Variants in FNBP4 observed in about 807,000 individuals in gnomAD.
The protein encoded by FNBP4 is formin binding protein 4.
Under a neutral mutation model 119.3 loss-of-function variants are expected in FNBP4, and 34 were observed. The ratio of observed to expected loss-of-function variants is 0.28; its 90% CI spans 0.22 to 0.38. The LOEUF (loss-of-function observed/expected upper bound fraction) is 0.38, where lower values mean the gene tolerates loss of function less well. Ranked by LOEUF, FNBP4 falls within the 10% of genes least tolerant of loss-of-function variation. The pLI is 1.00. For missense variants in FNBP4, 1,112 were observed against 1,228.9 expected (o/e 0.90, Z 1.42); for synonymous variants, 462 against 430.6 (o/e 1.07, Z -0.90).
chr11:47,729,103 C>T, intron 12 of FNBP4: 3 of 937,802 alleles, frequency 3.2e-6, no homozygotes, highest in Non-Finnish European at 3.8e-6. Flanking sequence ...CCACCCGCCT[C>T]AGCCCCCCAA....
At chr11:47,736,331 G>A (rs1178262313) in intron 9 of FNBP4, among the ~76,000 whole-genome samples, 1 of 152,052 alleles carries the variant, frequency 6.6e-6, no homozygotes, top group African/African-American at 2.4e-5. Flanking sequence ...CCAAGGTGGG[G>A]GAATCATGAA....
In FNBP4 at chr11:47,724,509, G is replaced by C. The variant is rs762273164; in HGVS notation, c.2278C>G (p.Pro760Ala). ...GTGGTTTGTGCTGAAGGTTTCAAAG[G>C]GGTATCTTCCTCTGTTCCTGGGGCA... ...PPAPGTEEDT[P>A]LKPSAQTTVV... The change falls in exon 13 of 17, where the codon CCT (proline) becomes GCT (alanine). Residue 760 changes from proline (P) to alanine (A), a missense_variant. Physicochemically the swap from Pro to Ala is conservative, Grantham distance 27 (BLOSUM62 -1). Around this residue, in one of 2 missense-constraint regions of FNBP4, gnomAD observed 826 missense variants for 988.8 expected, o/e 0.84. Coordinates refer to ENST00000263773, the MANE Select transcript of FNBP4 (RefSeq NM_015308.5). 6.2e-6 allele frequency: 10 copies of C among 1,614,084 alleles called. No homozygotes were observed. The highest frequency in any genetic ancestry group is 8.5e-6 in the Non-Finnish European group (10 of 1,180,040).
chr11:47,747,637 A>G (rs2097593217), intron 6 of FNBP4, among the ~76,000 whole-genome samples: 2 of 152,084 alleles, frequency 1.3e-5, no homozygotes, highest in South Asian at 4.1e-4. Flanking sequence ...TATGCCATGA[A>G]GGTGATTTAG....
chr11:47,749,051 A>G (rs1437825894), intron 6 of FNBP4, among the ~76,000 whole-genome samples: 1 of 152,020 alleles, frequency 6.6e-6, no homozygotes, highest in East Asian at 1.9e-4. Context: ...TTGAGCTCAG[A>G]GTTTGAGACC....
rs373960610 is a variant in FNBP4 at position 47,754,657 on chromosome 11, T to A, written c.321A>T (p.Leu107=). ...RPTAVKATGG[L]CLLGAYADSD... is the part of the protein sequence containing the mutation. ...TGTCAGCATAAGCACCAAGCAAGCATAGACCGCCTAGAAACAAAAAGGTAA... is the reference window on the plus strand; with the variant it reads ...TGTCAGCATAAGCACCAAGCAAGCAAAGACCGCCTAGAAACAAAAAGGTAA... The change falls in exon 3 of 17, where the codon CTA becomes CTT. Residue 107 remains leucine (L), a synonymous_variant. Coordinates refer to ENST00000263773, the MANE Select transcript of FNBP4 (RefSeq NM_015308.5). 6.2e-7 allele frequency: 1 copy of A among 1,613,518 alleles called. No homozygotes were observed. Among genetic ancestry groups the A allele is most frequent in the Admixed American group, 1.7e-5 (1 of 59,768 alleles).
chr11:47,753,056 G>A lies in FNBP4; in HGVS notation c.497C>T (p.Ala166Val). ...TAPQPAAPVG[A>V]SAPPPTPPRP... ...AGGTGGAGTTGGAGGTGGAGCAGAA[G>A]CTCCTACAGGAGCTGCAGGCTGAGG... Residue 166 changes from alanine to valine, a missense_variant, in exon 4 of 17, where the codon GCT becomes GTT. By Grantham distance (64) the Ala-to-Val change is moderately conservative. Around this residue, in one of 2 missense-constraint regions of FNBP4, gnomAD observed 286 missense variants for 240.1 expected, o/e 1.19. Coordinates refer to ENST00000263773, the MANE Select transcript of FNBP4 (RefSeq NM_015308.5). The A allele has an allele frequency of 6.2e-7, 1 of 1,614,108 alleles. No homozygotes were observed.
chr11:47,751,912 C>T (rs980562539), intron 4 of FNBP4, among the ~76,000 whole-genome samples: 1 of 152,022 alleles, frequency 6.6e-6, no homozygotes, highest in African/African-American at 2.4e-5. Flanking sequence ...TGCACCATTG[C>T]ACTCCAGCCT....
At chr11:47,764,283 TGTTGGC>T in intron 2 of FNBP4, among the ~76,000 whole-genome samples, 1 of 152,228 alleles carries the variant, frequency 6.6e-6, no homozygotes, top group East Asian at 1.9e-4. Flanking sequence ...GGTTTCACCA[TGTTGGC>T]CAGGCTGGTC....
intron 16 of FNBP4, among the ~76,000 whole-genome samples, chr11:47,718,056 T>C (rs1445934467): frequency 6.6e-6 from 1 of 151,034 alleles, no homozygotes; most frequent in Admixed American, 6.6e-5. Context: ...TGCCCGGCCT[T>C]ATTTATTTTA....
chr11:47,754,552 A>G lies in FNBP4; in HGVS notation c.426T>C (p.Asp142=). 6.2e-7 allele frequency: 1 copy of G among 1,614,120 alleles called. No homozygotes were observed. Among genetic ancestry groups the G allele is most frequent in the Non-Finnish European group, 8.5e-7 (1 of 1,180,024 alleles). ...CCGCTAGGAAGTTGGCCAATGTACT[A>G]TCAATATCAGTTGACTGGTTTCCAT... is the stretch of plus-strand genomic sequence containing the variant. The part of the protein sequence containing the change: ...ETNGNQSTDI[D]STLANFLAEI... Residue 142 remains aspartate (D), a synonymous_variant, in exon 3 of 17, where the codon GAT becomes GAC. Transcript: ENST00000263773.
At chr11:47,752,425 C>CA (rs71045514) in intron 4 of FNBP4, among the ~76,000 whole-genome samples, 161 of 127,928 alleles carry the variant, frequency 1.3e-3, no homozygotes, top group African/African-American at 3.9e-3. Flanking sequence ...AACTCAGTCT[C>CA]AAAAAAAAAA....
At chr11:47,740,278 G>C (rs1207510306) in intron 8 of FNBP4, among the ~76,000 whole-genome samples, 24 of 151,894 alleles carry the variant, frequency 1.6e-4, no homozygotes, top group Non-Finnish European at 3.4e-4. Flanking sequence ...AGCTGCGCAA[G>C]GTGGCGTGCG....
chr11:47,723,104 C>T lies in FNBP4; in HGVS notation c.2677G>A (p.Ala893Thr). 6.2e-7 allele frequency: 1 copy of T among 1,613,856 alleles called. No individual in the cohort carries two copies. The highest frequency in any genetic ancestry group is 8.5e-7 in the Non-Finnish European group (1 of 1,179,970). Reference protein sequence around the residue: ...VTAPSLQPVQARGAVPTATII... With the variant: ...VTAPSLQPVQTRGAVPTATII... Reference sequence around the variant, plus strand: ...GTAGCGGTAGGCACAGCACCTCGGGCCTGAACTGGCTGCAATGAGGGAGCA... The same window carrying T: ...GTAGCGGTAGGCACAGCACCTCGGGTCTGAACTGGCTGCAATGAGGGAGCA... The change falls in exon 15 of 17, where the codon GCC becomes ACC. Residue 893 changes from alanine to threonine, a missense_variant. Ala to Thr is a moderately conservative substitution (Grantham distance 58). Around this residue, in one of 2 missense-constraint regions of FNBP4, gnomAD observed 826 missense variants for 988.8 expected, o/e 0.84. Transcript: ENST00000263773.
intron 12 of FNBP4, chr11:47,730,206 A>G (rs2097565818): frequency 5.1e-6 from 5 of 985,288 alleles, no homozygotes; most frequent in Admixed American, 6.1e-5. Flanking sequence ...AAGCAAACAA[A>G]AAGAACCAAT....
chr11:47,765,728 G>GCTT (rs1029098936), intron 1 of FNBP4, among the ~76,000 whole-genome samples: 3 of 151,870 alleles, frequency 2.0e-5, no homozygotes, highest in African/African-American at 7.3e-5. Context: ...CAGAAGGATC[G>GCTT]CTTGAACCCA....
chr11:47,767,055 C>A lies in FNBP4; in HGVS notation c.220+14G>T, dbSNP rs1385234638. The A allele has an allele frequency of 6.6e-7, 1 of 1,522,530 alleles. No individual in the cohort carries two copies. Among genetic ancestry groups the A allele is most frequent in the Non-Finnish European group, 8.8e-7 (1 of 1,141,666 alleles). The allele number at this position is 1,522,530 out of a possible 1,614,324, so 94.3% of individuals were successfully genotyped here. A position where few individuals can be genotyped will look rare whatever the true frequency, so the allele number is the denominator to read the frequency against. On this transcript the variant is annotated intron_variant, in intron 1 of 16. Coordinates refer to ENST00000263773, the MANE Select transcript of FNBP4 (RefSeq NM_015308.5). Reference sequence around the variant, plus strand: ...GCCCTGAGCTCGAGTTCAGGTCCCCCCGCGCACCCTTGCCTTCTGAAGGCG... The same window carrying A: ...GCCCTGAGCTCGAGTTCAGGTCCCCACGCGCACCCTTGCCTTCTGAAGGCG...
intron 12 of FNBP4, among the ~76,000 whole-genome samples, chr11:47,731,011 A>G (rs2097566762): frequency 6.6e-6 from 1 of 152,362 alleles, no homozygotes; most frequent in East Asian, 1.9e-4. Flanking sequence ...ATAGAAATGT[A>G]TAACAAATCT....
chr11:47,753,178 T>A, intron 3 of FNBP4, 76 bp from the exon 4 acceptor site: 1 of 1,266,622 alleles, frequency 7.9e-7, no homozygotes, highest in Non-Finnish European at 1.1e-6. Flanking sequence ...AATCACTTTT[T>A]AAAAATTCTA....
chr11:47,733,564 A>AC (rs2097570103), intron 10 of FNBP4, among the ~76,000 whole-genome samples: 2 of 151,940 alleles, frequency 1.3e-5, no homozygotes. Flanking sequence ...CGAACTCCTG[A>AC]CCTTGGTGAT....
Sources: gnomAD v4.1 joint callset for allele counts (sites outside exome capture counted in the v4.1 genomes callset) on GRCh38, gnomAD v4.1.1 for gene constraint, gnomAD v4.1.1 regional missense constraint, MANE v1.5 for transcripts, NCBI Gene and HGNC (gene_info 2026-07-23, HGNC 2026-07-21) for gene names.